The following PSMB10 variants were observed in gnomAD, a reference collection of about 807,000 sequenced individuals.
PSMB10 encodes proteasome subunit beta type-10.
In PSMB10, 29 loss-of-function variants were observed where a neutral mutation model predicts 29.8. The observed-to-expected ratio is 0.97, with a 90% CI of 0.73 to 1.33. The LOEUF (loss-of-function observed/expected upper bound fraction) is 1.33, where lower values mean the gene tolerates loss of function less well. Among genes scored for constraint, PSMB10 ranks in the 40% most tolerant of loss-of-function variants. The pLI, the probability that PSMB10 is intolerant of heterozygous loss-of-function variation, is 0.00. For synonymous variants in PSMB10, 157 were observed against 164.7 expected, an observed-to-expected ratio of 0.95 and a Z score of 0.36; for missense variants, 327 against 369.2, an observed-to-expected ratio of 0.89 and a Z score of 0.94.
Position 67,935,771 on chromosome 16 carries a change from C to A in PSMB10, c.384-74G>T, listed in dbSNP as rs1001271194. The A allele has an allele frequency of 2.2e-5, 33 of 1,527,888 alleles. No individual in the cohort carries two copies. In the African/African-American group the frequency reaches 4.5e-4, roughly 21 times the overall value. The allele number at this position is 1,527,888 out of a possible 1,614,324, so 94.6% of individuals were successfully genotyped here. ...CCTCTCTATGCCCAGCTCCTAGGTGCTATCCCCGCCCCTTCCTGTGGGCTG... is the reference window on the plus strand; with the variant it reads ...CCTCTCTATGCCCAGCTCCTAGGTGATATCCCCGCCCCTTCCTGTGGGCTG... On this transcript the variant is annotated intron_variant, in intron 4 of 7. Coordinates refer to ENST00000358514, the MANE Select transcript of PSMB10 (RefSeq NM_002801.4).
chr16:67,935,507 A>G (rs1567405929), intron 5 of PSMB10, 29 bp from the exon 6 acceptor site: 3 of 1,614,010 alleles, frequency 1.9e-6, no homozygotes, highest in Admixed American at 3.3e-5. Flanking sequence ...TCTGAAGTCA[A>G]CCGCTGCGAC....
intron 6 of PSMB10, 25 bp downstream of exon 6, chr16:67,935,395 A>G (rs1274599504): frequency 1.2e-6 from 2 of 1,613,040 alleles, no homozygotes; most frequent in Non-Finnish European, 1.7e-6. Context: ...CAGCGACCAC[A>G]AAGTCGGGGA....
At position 67,934,800 on chromosome 16, in the gene PSMB10, T is replaced by C; in HGVS notation, c.707A>G (p.Lys236Arg). ...GTCCCCGATCTCCAGCTCTCACCTC[T>C]TCACGGGCTCTGTGGGTGAGCTCAG... Reference protein sequence around the residue: ...RTLSSPTEPVKRSGRYHFVPG... With the variant: ...RTLSSPTEPVRRSGRYHFVPG... Residue 236 changes from lysine to arginine, a missense_variant, in exon 7 of 8, where the codon AAG becomes AGG. Transcript: ENST00000358514. This position sits in a 1 kb window ranked among gnomAD's most constrained non-coding sequence, Gnocchi z 4.3. The C allele has an allele frequency of 1.2e-6, 2 of 1,613,682 alleles. No individual in the cohort carries two copies. The highest frequency in any genetic ancestry group is 1.7e-6 in the Non-Finnish European group (2 of 1,179,690).
rs140275778 is a variant in PSMB10, at chr16:67,934,827, G to A, written c.680C>T (p.Thr227Ile). ...CACGGGCTCTGTGGGTGAGCTCAGTGTCCGCAGCAGCTTGGCGCCAGTCTT... is the reference window on the plus strand; with the variant it reads ...CACGGGCTCTGTGGGTGAGCTCAGTATCCGCAGCAGCTTGGCGCCAGTCTT... ...ITKTGAKLLRTLSSPTEPVKR... is the reference protein window; with the variant it reads ...ITKTGAKLLRILSSPTEPVKR... Residue 227 changes from threonine (T) to isoleucine (I), a missense_variant, in exon 7 of 8, where the codon ACA becomes ATA. By Grantham distance (89) the Thr-to-Ile change is moderately conservative. Coordinates refer to ENST00000358514, the MANE Select transcript of PSMB10 (RefSeq NM_002801.4). This position sits in a 1 kb window ranked among gnomAD's most constrained non-coding sequence, Gnocchi z 4.3. 4.3e-6 allele frequency: 7 copies of A among 1,613,996 alleles called. No homozygotes were observed. The African/African-American group carries it at 9.3e-5, about 22-fold the overall frequency.
chr16:67,935,800 C>T, intron 4 of PSMB10, 103 bp from the exon 5 acceptor site: 1 of 1,486,138 alleles, frequency 6.7e-7, no homozygotes, highest in Non-Finnish European at 9.2e-7. Context: ...TGGGCTGGCG[C>T]CCGATGACTG....
At chr16:67,935,761 C>T in intron 4 of PSMB10, 64 bp from the exon 5 acceptor site, 23 of 1,552,702 alleles carry the variant, frequency 1.5e-5, no homozygotes, top group Non-Finnish European at 2.0e-5. Context: ...CTATGCCCAG[C>T]TCCTAGGTGC....
At position 67,936,020 on chromosome 16, in the gene PSMB10, G is replaced by A. The variant is rs1567406177; in HGVS notation, c.326C>T (p.Thr109Met). The change falls in exon 4 of 8, where the codon ACG becomes ATG. Residue 109 changes from threonine to methionine, a missense_variant. Coordinates refer to ENST00000358514, the MANE Select transcript of PSMB10 (RefSeq NM_002801.4). ...CGTGGCCACGCGGGGCTCGCGGCCCGTAGATAACGCGTGTAGCTCCATCTT... is the reference window on the plus strand; with the variant it reads ...CGTGGCCACGCGGGGCTCGCGGCCCATAGATAACGCGTGTAGCTCCATCTT... The part of the protein sequence containing the change: ...ASKMELHALS[T>M]GREPRVATVT... 6.2e-7 allele frequency: 1 copy of A among 1,612,574 alleles called. No individual in the cohort carries two copies. Among genetic ancestry groups the A allele is most frequent in the Non-Finnish European group, 8.5e-7 (1 of 1,179,396 alleles).
chr16:67,936,098 C>A lies in PSMB10; in HGVS notation c.248G>T (p.Cys83Phe). ...GGCGTCCGCGGCTACTCCAGCCCCACAGCAGCTGAGGCAAAAGGGAGGATC... is the reference window on the plus strand; with the variant it reads ...GGCGTCCGCGGCTACTCCAGCCCCAAAGCAGCTGAGGCAAAAGGGAGGATC... ...IHFIAPKIYC[C>F]GAGVAADAEM... is the part of the protein sequence containing the mutation. Residue 83 changes from cysteine (C) to phenylalanine (F), a missense_variant, in exon 4 of 8, where the codon TGT becomes TTT. Transcript: ENST00000358514. 1 of 1,609,362 alleles carries A rather than the reference C, an allele frequency of 6.2e-7. No individual in the cohort carries two copies. Among genetic ancestry groups the A allele is most frequent in the Non-Finnish European group, 8.5e-7 (1 of 1,176,368 alleles).
Position 67,936,044 on chromosome 16 carries a change from T to C in PSMB10, c.302A>G (p.Lys101Arg), listed in dbSNP as rs757553185. 1.4e-4 allele frequency: 220 copies of C among 1,613,018 alleles called. 1 individual carries two copies. In the South Asian group the frequency reaches 2.3e-3, roughly 17 times the overall value. ...AEMTTRMVAS[K>R]MELHALSTGR... Reference sequence around the variant, plus strand: ...CGTAGATAACGCGTGTAGCTCCATCTTGGACGCCACCATCCGTGTGGTCAT... The same window carrying C: ...CGTAGATAACGCGTGTAGCTCCATCCTGGACGCCACCATCCGTGTGGTCAT... Residue 101 changes from lysine (K) to arginine (R), a missense_variant, in exon 4 of 8, where the codon AAG (lysine) becomes AGG (arginine). By Grantham distance (26) the Lys-to-Arg change is conservative. Transcript: ENST00000358514.
Position 67,936,833 on chromosome 16 carries a change from C to T in PSMB10, c.-84G>A, listed in dbSNP as rs572398091. On this transcript the variant is annotated 5_prime_UTR_variant, in exon 1 of 8. Transcript: ENST00000358514. ...GGCCAGTGAGCAGCTAAAAAGTCCT[C>T]TGCTAGGCTTCACGTCTGTACTTCC... 5 of 1,178,012 alleles carry T rather than the reference C, an allele frequency of 4.2e-6. No individual in the cohort carries two copies. The African/African-American group carries it at 7.7e-5, about 18-fold the overall frequency. The allele number at this position is 1,178,012 out of a possible 1,614,324, so 73.0% of individuals were successfully genotyped here.
rs1598199680 is a variant in PSMB10, at chr16:67,935,451, A to C, written c.527T>G (p.Val176Gly). Reference sequence around the variant, plus strand: ...GTTCGGCTGGAACCGGTCTTCTAGCACCGCCAGGGCCGCGTCCTGACCAGA... The same window carrying C: ...GTTCGGCTGGAACCGGTCTTCTAGCCCCGCCAGGGCCGCGTCCTGACCAGA... ...LGSGQDAALAVLEDRFQPNMT... is the reference protein window; with the variant it reads ...LGSGQDAALAGLEDRFQPNMT... The change falls in exon 6 of 8, where the codon GTG becomes GGG. Residue 176 changes from valine to glycine, a missense_variant. Val to Gly is a moderately radical substitution (Grantham distance 109). Coordinates refer to ENST00000358514, the MANE Select transcript of PSMB10 (RefSeq NM_002801.4). The C allele has an allele frequency of 1.2e-6, 2 of 1,614,116 alleles. No individual in the cohort carries two copies. The highest frequency in any genetic ancestry group is 1.7e-6 in the Non-Finnish European group (2 of 1,180,040).
At chr16:67,935,114 C>T (rs985826050) in intron 6 of PSMB10, 166 bp from the exon 7 acceptor site, 2 of 874,332 alleles carry the variant, frequency 2.3e-6, no homozygotes, top group African/African-American at 3.4e-5. Flanking sequence ...TCACCTGCTT[C>T]CATCCCACCC....
chr16:67,935,940 T>C (rs765515451), intron 4 of PSMB10, 23 bp downstream of exon 4: 1 of 1,594,640 alleles, frequency 6.3e-7, no homozygotes, highest in Non-Finnish European at 8.6e-7. Context: ...CCTGCCGGGG[T>C]CCTGTTAGCC....
chr16:67,934,804 CG>C lies in PSMB10; in HGVS notation c.702del (p.Val235Ter). On this transcript the variant is annotated frameshift_variant, in exon 7 of 8. Transcript: ENST00000358514. LOFTEE classifies it high-confidence loss of function. The surrounding 1 kb of genome is among the most constrained non-coding windows in gnomAD (Gnocchi z 4.3). ...CCGATCTCCAGCTCTCACCTCTTCA[CG>C]GGCTCTGTGGGTGAGCTCAGTGTCC... ...LLRTLSSPTEPVKRSGRYHFV... is the reference protein window; with the variant it reads ...LLRTLSSPTEXVKRSGRYHFV... 6.2e-7 allele frequency: 1 copy of C among 1,613,702 alleles called. No homozygotes were observed. Among genetic ancestry groups the C allele is most frequent in the Non-Finnish European group, 8.5e-7 (1 of 1,179,694 alleles).
Position 67,934,785 on chromosome 16 carries a change from T to C in PSMB10, c.710+12A>G, listed in dbSNP as rs1284165340. On this transcript the variant is annotated intron_variant, in intron 7 of 7. Transcript: ENST00000358514. This position sits in a 1 kb window ranked among gnomAD's most constrained non-coding sequence, Gnocchi z 4.3. ...CCACACATCCCTGTGGTCCCCGATC[T>C]CCAGCTCTCACCTCTTCACGGGCTC... 1 of 1,612,672 alleles carries C rather than the reference T, an allele frequency of 6.2e-7. No individual in the cohort carries two copies. Among genetic ancestry groups the C allele is most frequent in the East Asian group, 2.2e-5 (1 of 44,846 alleles).
chr16:67,935,331 A>T (rs1598199616), intron 6 of PSMB10, 89 bp downstream of exon 6: 2 of 1,543,354 alleles, frequency 1.3e-6, no homozygotes, highest in East Asian at 4.5e-5. Context: ...AGCCTTAGCC[A>T]CCCGCACTGG....
At position 67,935,414 on chromosome 16, in the gene PSMB10, G is replaced by A. The variant is rs1377260536; in HGVS notation, c.558+6C>T. ...GACCACAAAGTCGGGGACAGAGGCC[G>A]CTCACCGTCATGTTCGGCTGGAACC... On this transcript the variant is annotated splice_donor_region_variant and intron_variant, in intron 6 of 7. Coordinates refer to ENST00000358514, the MANE Select transcript of PSMB10 (RefSeq NM_002801.4). The A allele has an allele frequency of 2.5e-6, 4 of 1,613,568 alleles. No homozygotes were observed.
chr16:67,936,618 AC>A, intron 1 of PSMB10, 75 bp downstream of exon 1: 2 of 1,337,744 alleles, frequency 1.5e-6, no homozygotes, highest in Non-Finnish European at 1.0e-6. Context: ...ACCCTCCCCC[AC>A]CCCCAGCCAG....
In PSMB10 at chr16:67,936,295, G is replaced by A. The variant is rs750076945; in HGVS notation, c.162C>T (p.Gly54=). ...GLVFQDGVIL[G]ADTRATNDSV... ...AATCGTTAGTGGCTCGCGTATCGGCGCCCAGAATGACCCCGTCCTGAGGAG... is the reference window on the plus strand; with the variant it reads ...AATCGTTAGTGGCTCGCGTATCGGCACCCAGAATGACCCCGTCCTGAGGAG... The change falls in exon 3 of 8, where the codon GGC becomes GGT. Residue 54 remains glycine (G), a synonymous_variant. Coordinates refer to ENST00000358514, the MANE Select transcript of PSMB10 (RefSeq NM_002801.4). 1.2e-6 allele frequency: 2 copies of A among 1,613,378 alleles called. No homozygotes were observed. Among genetic ancestry groups the A allele is most frequent in the African/African-American group, 1.3e-5 (1 of 74,978 alleles).
Sources: gnomAD v4.1 joint callset for allele counts on GRCh38, gnomAD v4.1.1 for gene constraint, Gnocchi (gnomAD v3.1) non-coding constraint, MANE v1.5 for transcripts, NCBI Gene and HGNC (gene_info 2026-07-23, HGNC 2026-07-21) for gene names.